The following MCC variants were observed in gnomAD, a reference collection of about 807,000 sequenced individuals.
MCC encodes MCC regulator of Wnt signaling pathway, also known as colorectal mutant cancer protein.
A neutral mutation model predicts 116.2 loss-of-function variants in MCC; 90 were observed. The observed-to-expected ratio is 0.77, with a 90% CI of 0.65 to 0.92. The LOEUF (loss-of-function observed/expected upper bound fraction) is 0.92, where lower values mean the gene tolerates loss of function less well. Among genes scored for constraint, MCC ranks in the 40% least tolerant of loss-of-function variants. The probability of loss-of-function intolerance (pLI) is 0.00; values close to 1 mark genes in which losing one functional copy is unlikely to be tolerated. For missense variants in MCC, 1,516 were observed against 1,312.2 expected (o/e 1.16, Z -2.40); for synonymous variants, 578 against 510.5 (o/e 1.13, Z -1.78).
intron 3 of MCC, among the ~76,000 whole-genome samples, chr5:113,166,722 A>C (rs1251526091): frequency 3.2e-5 from 4 of 125,916 alleles, no homozygotes; most frequent in Admixed American, 8.2e-5. Flanking sequence ...AAAAAAAAAA[A>C]CAACCAAAAA....
At chr5:113,218,416 C>A (rs570326701) in intron 3 of MCC, among the ~76,000 whole-genome samples, 1 of 152,080 alleles carries the variant, frequency 6.6e-6, no homozygotes, top group African/African-American at 2.4e-5. Context: ...TGAGTGCCTC[C>A]GCTTTCTCCT....
chr5:113,364,060 C>T (rs1049968553), intron 2 of MCC, among the ~76,000 whole-genome samples: 56 of 151,794 alleles, frequency 3.7e-4, no homozygotes, highest in African/African-American at 1.3e-3. Flanking sequence ...GGTGAAACCT[C>T]GTCTGTACTA....
At chr5:113,251,385 G>A (rs987655773) in intron 3 of MCC, among the ~76,000 whole-genome samples, 1 of 152,164 alleles carries the variant, frequency 6.6e-6, no homozygotes, top group Non-Finnish European at 1.5e-5. Context: ...CCACCATAAT[G>A]TGTACTATGA....
chr5:113,423,878 A>G (rs985986006), intron 1 of MCC, among the ~76,000 whole-genome samples: 2 of 152,086 alleles, frequency 1.3e-5, no homozygotes, highest in African/African-American at 4.8e-5. Context: ...TCATCCTGAA[A>G]TTGGGGAATT....
rs577727109 is a variant in MCC at position 113,151,217 on chromosome 5, T to A, written c.741+92A>T. ...TTTGCTGATAAAGCTGTAATTTGTT[T>A]TGTGGGAATTTCTGTACTCATGTTT... On this transcript the variant is annotated intron_variant, in intron 4 of 18. Coordinates refer to ENST00000408903, the MANE Select transcript of MCC (RefSeq NM_001085377.2). The A allele has an allele frequency of 1.2e-4, 86 of 741,080 alleles. 1 individual carries two copies. The East Asian group carries it at 1.2e-3, about 10-fold the overall frequency. 45.9% of individuals were successfully genotyped at this position (741,080 alleles called of 1,614,324 possible).
intron 3 of MCC, among the ~76,000 whole-genome samples, chr5:113,202,390 C>T (rs1561454051): frequency 6.6e-6 from 1 of 152,134 alleles, no homozygotes; most frequent in Non-Finnish European, 1.5e-5. Context: ...TTCTCCAGGA[C>T]TGATAACCTA....
At position 113,050,209 on chromosome 5, in the gene MCC, G is replaced by A. The variant is rs568731277; in HGVS notation, c.2449-910C>T. On this transcript the variant is annotated intron_variant, in intron 15 of 18. Coordinates refer to ENST00000408903, the MANE Select transcript of MCC (RefSeq NM_001085377.2). ...TGGGTAAGCTGTGGAGCCACAGATT[G>A]CAGCCAAGCTGTCTGGTTCAGAGCT... Among the ~76,000 whole-genome samples the A allele has an allele frequency of 7.2e-5, 11 of 152,312 alleles. No individual in the cohort carries two copies. In the East Asian group the frequency reaches 2.1e-3, roughly 29 times the overall value.
At chr5:113,210,591 G>T (rs1483861253) in intron 3 of MCC, among the ~76,000 whole-genome samples, 1 of 152,162 alleles carries the variant, frequency 6.6e-6, no homozygotes, top group Non-Finnish European at 1.5e-5. Flanking sequence ...GAGGTGGAAG[G>T]AAAGAGGATG....
At chr5:113,118,239 C>T (rs144573881) in intron 6 of MCC, among the ~76,000 whole-genome samples, 15 of 152,280 alleles carry the variant, frequency 9.9e-5, no homozygotes, top group East Asian at 1.9e-4. Flanking sequence ...CTTTTAACGG[C>T]GAGCCTTTGC....
intron 6 of MCC, among the ~76,000 whole-genome samples, chr5:113,120,710 A>AC (rs1400774276): frequency 6.6e-6 from 1 of 152,238 alleles, no homozygotes; most frequent in Non-Finnish European, 1.5e-5. Context: ...GCAAATAAAT[A>AC]CTATTACATA....
intron 1 of MCC, among the ~76,000 whole-genome samples, chr5:113,468,816 C>G (rs1483948800): frequency 6.6e-6 from 1 of 152,094 alleles, no homozygotes; most frequent in Non-Finnish European, 1.5e-5. Flanking sequence ...TGGTCCTGGA[C>G]TTTTTTTGGT....
At chr5:113,429,275 AAGAG>A (rs34689249) in intron 1 of MCC, among the ~76,000 whole-genome samples, 3 of 150,074 alleles carry the variant, frequency 2.0e-5, no homozygotes, top group Non-Finnish European at 3.0e-5. Context: ...AAGAGACAGA[AAGAG>A]AGAGAGAGAG....
At chr5:113,216,337 G>A (rs1037873369) in intron 3 of MCC, among the ~76,000 whole-genome samples, 3 of 152,128 alleles carry the variant, frequency 2.0e-5, no homozygotes, top group African/African-American at 7.2e-5. Context: ...GAAGGTATAA[G>A]AAGTCCTAGG....
chr5:113,022,540 A>T lies in MCC; in HGVS notation c.*4762T>A, dbSNP rs1232257610. 6.6e-6 allele frequency: 1 copy of T among 152,406 alleles called. No individual in the cohort carries two copies. The highest frequency in any genetic ancestry group is 1.5e-5 in the Non-Finnish European group (1 of 68,044). 9.4% of individuals were successfully genotyped at this position (152,406 alleles called of 1,614,324 possible). ...AGAAAAGAAGTGGACATGTTTTATTATCTTTGCATTACGTTCTAACAAAAG... is the reference window on the plus strand; with the variant it reads ...AGAAAAGAAGTGGACATGTTTTATTTTCTTTGCATTACGTTCTAACAAAAG... On this transcript the variant is annotated 3_prime_UTR_variant, in exon 19 of 19. Coordinates refer to ENST00000408903, the MANE Select transcript of MCC (RefSeq NM_001085377.2).
At chr5:113,158,125 C>G (rs1760277263) in intron 3 of MCC, among the ~76,000 whole-genome samples, 1 of 152,180 alleles carries the variant, frequency 6.6e-6, no homozygotes, top group Admixed American at 6.5e-5. Context: ...TTCAAACCTG[C>G]CAATTGTTTA....
chr5:113,279,853 A>T (rs1246306772), intron 3 of MCC, among the ~76,000 whole-genome samples: 1 of 152,258 alleles, frequency 6.6e-6, no homozygotes, highest in African/African-American at 2.4e-5. Flanking sequence ...AATATGTTTT[A>T]AAAAGTATAG....
In MCC at chr5:113,451,867, G is replaced by A. The variant is rs553719021; in HGVS notation, c.170+36378C>T. Among the ~76,000 whole-genome samples, 230 of 152,332 alleles carry A rather than the reference G, an allele frequency of 1.5e-3. 1 individual carries two copies. The highest frequency in any genetic ancestry group is 3.4e-3 in the Middle Eastern group (1 of 294). ...ATTTGGTGGCTTAAAAAATCAGTGT[G>A]TTTAACTACTCATGATTCTGTGGGT... On this transcript the variant is annotated intron_variant, in intron 1 of 18. Transcript: ENST00000408903.
At position 113,084,159 on chromosome 5, in the gene MCC, C is replaced by T; in HGVS notation, c.1577G>A (p.Arg526Lys). 2 of 1,614,178 alleles carry T rather than the reference C, an allele frequency of 1.2e-6. No homozygotes were observed. The highest frequency in any genetic ancestry group is 1.6e-4 in the Middle Eastern group (1 of 6,062). ...IAERVKLSKT[R>K]SESSSSDRPV... ...CCGATCAGATGATGACGATTCGGAC[C>T]TTGTCTTTGATAGCTTCACCCTCTC... The change falls in exon 10 of 19, where the codon AGG (arginine) becomes AAG (lysine). Residue 526 changes from arginine (R) to lysine (K), a missense_variant. Physicochemically the swap from Arg to Lys is conservative, Grantham distance 26. Coordinates refer to ENST00000408903, the MANE Select transcript of MCC (RefSeq NM_001085377.2).
At chr5:113,211,747 G>T (rs532502199) in intron 3 of MCC, among the ~76,000 whole-genome samples, 1 of 152,156 alleles carries the variant, frequency 6.6e-6, no homozygotes, top group South Asian at 2.1e-4. Flanking sequence ...ACTACTGGAG[G>T]TTATCCTAAA....
Sources: allele counts gnomAD v4.1 joint callset (sites outside exome capture counted in the v4.1 genomes callset), GRCh38; gene constraint gnomAD v4.1.1; transcripts MANE v1.5; gene names NCBI Gene and HGNC (gene_info 2026-07-23, HGNC 2026-07-21).